Variants in POLL observed in about 807,000 individuals in gnomAD.
The protein encoded by POLL is DNA polymerase lambda, also known as DNA polymerase beta-2.
Under a neutral mutation model 58.1 loss-of-function variants are expected in POLL, and 44 were observed. That is an observed-to-expected ratio of 0.76 (90% CI 0.60 to 0.97). POLL has a LOEUF of 0.97. POLL is among the 50% of genes least tolerant of loss of function. The pLI, the probability that POLL is intolerant of heterozygous loss-of-function variation, is 0.00. For synonymous variants in POLL, 290 were observed against 283.2 expected (o/e 1.02, Z -0.24); for missense variants, 632 against 736.8 (o/e 0.86, Z 1.65).
Position 101,579,845 on chromosome 10 carries a change from G to T in POLL, c.1364-28C>A. On this transcript the variant is annotated intron_variant, in intron 8 of 8. Coordinates refer to ENST00000370162, the MANE Select transcript of POLL (RefSeq NM_001174084.2). This position sits in a 1 kb window ranked among gnomAD's most constrained non-coding sequence, Gnocchi z 4.4. Reference sequence around the variant, plus strand: ...GGCCCAACAGAGGGGACTGCTGGGAGGGCAGGGAACCAGGCCTGGGCTGTC... The same window carrying T: ...GGCCCAACAGAGGGGACTGCTGGGATGGCAGGGAACCAGGCCTGGGCTGTC... 1 of 1,596,772 alleles carries T rather than the reference G, an allele frequency of 6.3e-7. No homozygotes were observed. Among genetic ancestry groups the T allele is most frequent in the South Asian group, 1.1e-5 (1 of 87,652 alleles).
In POLL at chr10:101,580,203, G is replaced by A. The variant is rs1484453139; in HGVS notation, c.1363+45C>T. The A allele has an allele frequency of 1.3e-6, 2 of 1,567,074 alleles. No homozygotes were observed. Among genetic ancestry groups the A allele is most frequent in the Non-Finnish European group, 1.7e-6 (2 of 1,149,706 alleles). On this transcript the variant is annotated intron_variant, in intron 8 of 8. Coordinates refer to ENST00000370162, the MANE Select transcript of POLL (RefSeq NM_001174084.2). The surrounding 1 kb of genome is among the most constrained non-coding windows in gnomAD (Gnocchi z 4.1). ...TCCCTCTGAGGGGGCCCCCAGACCTGTGCTGCCCTCTGTCAACCTGCTCAC... is the reference window on the plus strand; with the variant it reads ...TCCCTCTGAGGGGGCCCCCAGACCTATGCTGCCCTCTGTCAACCTGCTCAC...
Position 101,582,746 on chromosome 10 carries a change from C to G in POLL, c.1194+17G>C, listed in dbSNP as rs770606182. 6.2e-7 allele frequency: 1 copy of G among 1,612,582 alleles called. No individual in the cohort carries two copies. The highest frequency in any genetic ancestry group is 8.5e-7 in the Non-Finnish European group (1 of 1,178,692). On this transcript the variant is annotated intron_variant, in intron 7 of 8. Coordinates refer to ENST00000370162, the MANE Select transcript of POLL (RefSeq NM_001174084.2). ...GCAGGACCTGGCTGTCCTCACTGCT[C>G]TGGGACACCTGCTTACTGTCTGCTC...
At chr10:101,584,069 G>C (rs1237092966) in intron 5 of POLL, among the ~76,000 whole-genome samples, 1 of 152,152 alleles carries the variant, frequency 6.6e-6, no homozygotes, top group Non-Finnish European at 1.5e-5. Flanking sequence ...TTACTAATGA[G>C]AAAACTGATG....
Position 101,579,159 on chromosome 10 carries a change from C to T in POLL, c.*294G>A. On this transcript the variant is annotated 3_prime_UTR_variant, in exon 9 of 9. Transcript: ENST00000370162. This position sits in a 1 kb window ranked among gnomAD's most constrained non-coding sequence, Gnocchi z 4.4. ...TGGGGCTTCAAACCAGCCACCTGCT[C>T]CTGCTTAAAATGGGGCAAGGGGCCA... 2.5e-6 allele frequency: 1 copy of T among 404,634 alleles called. No individual in the cohort carries two copies. The allele number at this position is 404,634 out of a possible 1,614,324, so 25.1% of individuals were successfully genotyped here.
intron 5 of POLL, 70 bp downstream of exon 5, chr10:101,584,532 C>G: frequency 8.8e-7 from 1 of 1,139,176 alleles, no homozygotes; most frequent in African/African-American, 1.5e-5. Flanking sequence ...CACCACTGTA[C>G]CTGAACCCCA....
chr10:101,583,024 T>C (rs886502200), intron 6 of POLL, 133 bp from the exon 7 acceptor site: 7 of 1,010,932 alleles, frequency 6.9e-6, no homozygotes, highest in Non-Finnish European at 1.1e-5. Context: ...CTAGGGGCAG[T>C]TGGGTCTGTA....
At chr10:101,583,362 G>T in intron 6 of POLL, 146 bp downstream of exon 6, 1 of 814,686 alleles carries the variant, frequency 1.2e-6, no homozygotes, top group Non-Finnish European at 1.9e-6. Context: ...ATGAGTCCTG[G>T]TCCGCTTGAA....
rs886954240 is a variant in POLL, at chr10:101,588,028, T to TA, written c.-254dup. 5 of 1,387,454 alleles carry TA rather than the reference T, an allele frequency of 3.6e-6. No homozygotes were observed. The highest frequency in any genetic ancestry group is 4.7e-6 in the Non-Finnish European group (5 of 1,052,790). 85.9% of individuals were successfully genotyped at this position (1,387,454 alleles called of 1,614,324 possible). ...GGTGAAGTCCCGGGCAGGTGCGGTG[T>TA]ACTCGCCGTGTACGCAGCTGGCGCA... is the stretch of plus-strand genomic sequence containing the variant. On this transcript the variant is annotated 5_prime_UTR_variant, in exon 1 of 9. Coordinates refer to ENST00000370162, the MANE Select transcript of POLL (RefSeq NM_001174084.2).
intron 3 of POLL, 96 bp from the exon 4 acceptor site, chr10:101,585,574 T>C (rs2063279803): frequency 8.5e-7 from 1 of 1,177,840 alleles, no homozygotes; most frequent in South Asian, 1.9e-5. Context: ...TTTCCCAGTG[T>C]GTCCAATTAA....
rs764058785 is a variant in POLL, at chr10:101,579,424, C to G, written c.*29G>C. 6.4e-7 allele frequency: 1 copy of G among 1,571,090 alleles called. No homozygotes were observed. The highest frequency in any genetic ancestry group is 1.8e-5 in the Admixed American group (1 of 55,288). On this transcript the variant is annotated 3_prime_UTR_variant, in exon 9 of 9. Coordinates refer to ENST00000370162, the MANE Select transcript of POLL (RefSeq NM_001174084.2). This position sits in a 1 kb window ranked among gnomAD's most constrained non-coding sequence, Gnocchi z 4.4. ...GCCAGGAGGGGTAGCCAGTCCAACT[C>G]GGCTCTCCTCAGCACCCCCAGCCAT...
intron 3 of POLL, 81 bp from the exon 4 acceptor site, chr10:101,585,559 C>T (rs979125223): frequency 9.3e-6 from 12 of 1,284,066 alleles, no homozygotes; most frequent in Non-Finnish European, 1.3e-5. Flanking sequence ...CTCTGAAATA[C>T]TTGGTTTCCC....
chr10:101,579,608 T>C lies in POLL; in HGVS notation c.1573A>G (p.Met525Val), dbSNP rs774073285. The part of the protein sequence containing the change: ...SMRALAKTKG[M>V]SLSEHALSTA... ...CTGAGGGCATGTTCTGACAGACTCA[T>C]GCCCTTGGTTTTGGCCAGGGCTCGC... Residue 525 changes from methionine (M) to valine (V), a missense_variant, in exon 9 of 9, where the codon ATG becomes GTG. Transcript: ENST00000370162. This position sits in a 1 kb window ranked among gnomAD's most constrained non-coding sequence, Gnocchi z 4.4. The C allele has an allele frequency of 1.2e-6, 2 of 1,614,004 alleles. No individual in the cohort carries two copies. Among genetic ancestry groups the C allele is most frequent in the South Asian group, 1.1e-5 (1 of 91,082 alleles).
At position 101,584,654 on chromosome 10, in the gene POLL, G is replaced by A; in HGVS notation, c.839C>T (p.Ala280Val). 1 of 1,609,114 alleles carries A rather than the reference G, an allele frequency of 6.2e-7. No individual in the cohort carries two copies. The highest frequency in any genetic ancestry group is 8.5e-7 in the Non-Finnish European group (1 of 1,177,924). The change falls in exon 5 of 9, where the codon GCC becomes GTC. Residue 280 changes from alanine to valine, a missense_variant. Transcript: ENST00000370162. ...QGDKWRALGY[A>V]KAINALKSFH... is the part of the protein sequence containing the mutation. The stretch of plus-strand genomic sequence containing the variant: ...GCTCTTGAGGGCATTGATGGCCTTG[G>A]CATAGCCCAGGGCCCTCCACTTGTC...
Position 101,579,279 on chromosome 10 carries a change from G to C in POLL, c.*174C>G. On this transcript the variant is annotated 3_prime_UTR_variant, in exon 9 of 9. Coordinates refer to ENST00000370162, the MANE Select transcript of POLL (RefSeq NM_001174084.2). This position sits in a 1 kb window ranked among gnomAD's most constrained non-coding sequence, Gnocchi z 4.4. ...CTGGGCAGACACTGGGAGCCGGGCAGACACTGGGAGCCGGGCTGGCTCTTG... is the reference window on the plus strand; with the variant it reads ...CTGGGCAGACACTGGGAGCCGGGCACACACTGGGAGCCGGGCTGGCTCTTG... 1.4e-6 allele frequency: 1 copy of C among 699,564 alleles called. No individual in the cohort carries two copies. The allele number at this position is 699,564 out of a possible 1,614,324, so 43.3% of individuals were successfully genotyped here. A position where few individuals can be genotyped will look rare whatever the true frequency, so the allele number is the denominator to read the frequency against.
At chr10:101,587,615 A>G (rs2063455823) in intron 1 of POLL, 1 of 1,058,824 alleles carries the variant, frequency 9.4e-7, no homozygotes. Flanking sequence ...AAATGAGGGG[A>G]AGGCTGGTGC....
chr10:101,586,842 C>T (rs117760141), intron 2 of POLL, among the ~76,000 whole-genome samples: 1,856 of 152,242 alleles, frequency 0.012, 24 homozygotes, highest in Middle Eastern at 0.037. Context: ...CAACAAAGCG[C>T]GTTTCTTGCC....
At position 101,580,459 on chromosome 10, in the gene POLL, A is replaced by T. The variant is rs1023697574; in HGVS notation, c.1195-43T>A. ...GACAGGTGAGGGGCTGTGCGTGGGG[A>T]GCTCCTCTCCCACAGCAGTACAAGG... is the stretch of plus-strand genomic sequence containing the variant. On this transcript the variant is annotated intron_variant, in intron 7 of 8. Coordinates refer to ENST00000370162, the MANE Select transcript of POLL (RefSeq NM_001174084.2). The surrounding 1 kb of genome is among the most constrained non-coding windows in gnomAD (Gnocchi z 4.1). The T allele has an allele frequency of 1.3e-6, 2 of 1,588,596 alleles. No homozygotes were observed. The highest frequency in any genetic ancestry group is 1.7e-6 in the Non-Finnish European group (2 of 1,161,940).
Position 101,582,811 on chromosome 10 carries a change from G to T in POLL, c.1146C>A (p.Asp382Glu). The T allele has an allele frequency of 1.2e-6, 2 of 1,614,230 alleles. No homozygotes were observed. Among genetic ancestry groups the T allele is most frequent in the Non-Finnish European group, 1.7e-6 (2 of 1,180,016 alleles). The stretch of plus-strand genomic sequence containing the variant: ...CCTCCCTGGGCATACGTTCCAGGAA[G>T]TCACTGTAATGCTTCAGGCCGATGG... ...QQAIGLKHYS[D>E]FLERMPREEA... Residue 382 changes from aspartate to glutamate, a missense_variant, in exon 7 of 9, where the codon GAC (aspartate) becomes GAA (glutamate). By Grantham distance (45) the Asp-to-Glu change is conservative. Coordinates refer to ENST00000370162, the MANE Select transcript of POLL (RefSeq NM_001174084.2).
intron 5 of POLL, among the ~76,000 whole-genome samples, 182 bp downstream of exon 5, chr10:101,584,420 C>T (rs1052786859): frequency 7.2e-5 from 11 of 152,198 alleles, no homozygotes; most frequent in African/African-American, 2.4e-4. Flanking sequence ...CCCCAAGTAT[C>T]GTACATCTCC....
Sources: allele counts gnomAD v4.1 joint callset (sites outside exome capture counted in the v4.1 genomes callset), GRCh38; gene constraint gnomAD v4.1.1; non-coding constraint Gnocchi (gnomAD v3.1); transcripts MANE v1.5; gene names NCBI Gene and HGNC (gene_info 2026-07-23, HGNC 2026-07-21).